KCNA3: variants seen among roughly 807,000 people sequenced by gnomAD.
The protein encoded by KCNA3 is RP11-284N8.3.
A neutral mutation model predicts 34.3 loss-of-function variants in KCNA3; 18 were observed. That is an observed-to-expected ratio of 0.52 (90% CI 0.36 to 0.78). The LOEUF (loss-of-function observed/expected upper bound fraction) is 0.78, where lower values mean the gene tolerates loss of function less well. KCNA3 is among the 30% of genes least tolerant of loss of function. KCNA3 has a pLI of 0.00. For missense variants in KCNA3, 587 were observed against 802.5 expected (o/e 0.73, Z 3.24); for synonymous variants, 324 against 351.7 (o/e 0.92, Z 0.88).
At chr1:110,666,674 G>A in the KCNA3 span, among the ~76,000 whole-genome samples, 2 of 152,152 alleles carry the variant, frequency 1.3e-5, no homozygotes, top group African/African-American at 4.8e-5. Flanking sequence ...CACAAGAAAT[G>A]TGAGGATGCC....
At chr1:110,671,374 A>G (rs1651885669), downstream of KCNA3, among the ~76,000 whole-genome samples, 1 of 152,244 alleles carries the variant, frequency 6.6e-6, no homozygotes, top group Non-Finnish European at 1.5e-5. Context: ...AACTAAGATA[A>G]AACTGTTGGT....
chr1:110,665,686 T>TGAAGAAC, the KCNA3 span, among the ~76,000 whole-genome samples: 1 of 151,868 alleles, frequency 6.6e-6, no homozygotes, highest in African/African-American at 2.4e-5. Context: ...TAAGACAGAA[T>TGAAGAAC]GAAGAACGAA....
At chr1:110,653,952 A>C in the KCNA3 span, 13 of 152,338 alleles carry the variant, frequency 8.5e-5, no homozygotes, top group African/African-American at 3.1e-4. Context: ...TTTAAATTCC[A>C]ATATAATAAG....
the KCNA3 span, among the ~76,000 whole-genome samples, chr1:110,659,762 A>G: frequency 6.6e-6 from 1 of 152,242 alleles, no homozygotes; most frequent in African/African-American, 2.4e-5. Context: ...GCCATAAAAA[A>G]GGATGAGTTC....
At chr1:110,662,521 A>G in the KCNA3 span, among the ~76,000 whole-genome samples, 1 of 152,222 alleles carries the variant, frequency 6.6e-6, no homozygotes, top group Non-Finnish European at 1.5e-5. Flanking sequence ...CTATTAAATT[A>G]CTTAGTGTTA....
chr1:110,674,777 C>T lies in KCNA3; in HGVS notation c.33G>A (p.Pro11=), dbSNP rs1462769553. The change falls in exon 1 of 1, where the codon CCG becomes CCA. Residue 11 remains proline (P), a synonymous_variant. Coordinates refer to ENST00000369769, the MANE Select transcript of KCNA3 (RefSeq NM_002232.5). This position sits in a 1 kb window ranked among gnomAD's most constrained non-coding sequence, Gnocchi z 6.4. MDERLSLLRS[P]PPPSARHRAH... ...CGCGGTGGCGGGCTGAGGGCGGCGG[C>T]GGCGAGCGCAGAAGGCTGAGGCGCT... The T allele has an allele frequency of 1.5e-6, 2 of 1,340,414 alleles. No individual in the cohort carries two copies. Among genetic ancestry groups the T allele is most frequent in the Non-Finnish European group, 1.9e-6 (2 of 1,053,800 alleles). The allele number at this position is 1,340,414 out of a possible 1,614,324, so 83.0% of individuals were successfully genotyped here. A position where few individuals can be genotyped will look rare whatever the true frequency, so the allele number is the denominator to read the frequency against.
chr1:110,661,999 G>A, the KCNA3 span, among the ~76,000 whole-genome samples: 5 of 151,056 alleles, frequency 3.3e-5, no homozygotes, highest in African/African-American at 1.2e-4. Flanking sequence ...TGTAGTCACA[G>A]CTACCCGGGA....
At chr1:110,668,017 G>A (rs1374188227), downstream of KCNA3, among the ~76,000 whole-genome samples, 3 of 151,970 alleles carry the variant, frequency 2.0e-5, no homozygotes, top group African/African-American at 7.3e-5. Flanking sequence ...TTCTCTCAAA[G>A]GTTATCAACC....
chr1:110,668,196 C>A (rs1651756376), downstream of KCNA3, among the ~76,000 whole-genome samples: 1 of 152,110 alleles, frequency 6.6e-6, no homozygotes, highest in Non-Finnish European at 1.5e-5. Context: ...CCCTAAATAT[C>A]CTCTTCCACA....
the KCNA3 span, chr1:110,653,815 A>G: frequency 6.6e-6 from 1 of 152,234 alleles, no homozygotes; most frequent in Non-Finnish European, 1.5e-5. Context: ...AACAGAAAAA[A>G]TAGAATGTTT....
At chr1:110,663,138 T>C in the KCNA3 span, among the ~76,000 whole-genome samples, 1 of 152,196 alleles carries the variant, frequency 6.6e-6, no homozygotes, top group Non-Finnish European at 1.5e-5. Flanking sequence ...AAATGTCTAA[T>C]ACCTTGACTA....
rs200611394 is a variant in KCNA3, at chr1:110,673,730, C to T, written c.1080G>A (p.Leu360=). Residue 360 remains leucine (L), a synonymous_variant, in exon 1 of 1, where the codon CTG becomes CTA. Transcript: ENST00000369769. The surrounding 1 kb of genome is among the most constrained non-coding windows in gnomAD (Gnocchi z 8.8). ...CCAGGCGGATGACCCTCAGGATGGC[C>T]AGAGACATGGCCTGCTGTCCATTGC... is the stretch of plus-strand genomic sequence containing the variant. The part of the protein sequence containing the change: ...RQGNGQQAMS[L]AILRVIRLVR... The T allele has an allele frequency of 6.2e-7, 1 of 1,614,122 alleles. No individual in the cohort carries two copies. The highest frequency in any genetic ancestry group is 2.2e-5 in the East Asian group (1 of 44,866).
chr1:110,660,448 T>C, the KCNA3 span, among the ~76,000 whole-genome samples: 1 of 152,112 alleles, frequency 6.6e-6, no homozygotes, highest in South Asian at 2.1e-4. Flanking sequence ...CTTACTGTGG[T>C]AATCTATGAT....
chr1:110,662,458 T>C, the KCNA3 span, among the ~76,000 whole-genome samples: 4 of 152,216 alleles, frequency 2.6e-5, no homozygotes, highest in African/African-American at 9.6e-5. Context: ...AGTCATTCTA[T>C]AGCATGTAGT....
In KCNA3 at chr1:110,674,042, C is replaced by G; in HGVS notation, c.768G>C (p.Leu256=). ...AGTCCTTCTCGTCGCGGAACTCCGG[C>G]AGCGTCTCCAGGCAGAAGATGACAA... ...ISIVIFCLET[L]PEFRDEKDYP... Residue 256 remains leucine, a synonymous_variant, in exon 1 of 1, where the codon CTG becomes CTC. Coordinates refer to ENST00000369769, the MANE Select transcript of KCNA3 (RefSeq NM_002232.5). The surrounding 1 kb of genome is among the most constrained non-coding windows in gnomAD (Gnocchi z 6.4). The G allele has an allele frequency of 6.2e-7, 1 of 1,607,940 alleles. No homozygotes were observed. The highest frequency in any genetic ancestry group is 8.5e-7 in the Non-Finnish European group (1 of 1,176,286).
Position 110,674,176 on chromosome 1 carries a change from G to A in KCNA3, c.634C>T (p.Pro212Ser). Residue 212 changes from proline to serine, a missense_variant, in exon 1 of 1, where the codon CCC becomes TCC. Pro to Ser is a moderately conservative substitution (Grantham distance 74, BLOSUM62 -1). Transcript: ENST00000369769. The surrounding 1 kb of genome is among the most constrained non-coding windows in gnomAD (Gnocchi z 6.4). ...GFLREEERPL[P>S]RRDFQRQVWL... is the part of the protein sequence containing the mutation. ...ACCTGGCGCTGGAAGTCGCGGCGGG[G>A]CAAGGGCCGCTCCTCCTCCCGCAGG... 2 of 1,612,166 alleles carry A rather than the reference G, an allele frequency of 1.2e-6. No homozygotes were observed. Among genetic ancestry groups the A allele is most frequent in the Non-Finnish European group, 8.5e-7 (1 of 1,178,880 alleles).
chr1:110,673,962 C>T lies in KCNA3; in HGVS notation c.848G>A (p.Gly283Glu), dbSNP rs150781963. The T allele has an allele frequency of 1.9e-5, 31 of 1,613,880 alleles. No homozygotes were observed. The African/African-American group carries it at 4.1e-4, about 22-fold the overall frequency. The change falls in exon 1 of 1, where the codon GGG (glycine) becomes GAG (glutamate). Residue 283 changes from glycine to glutamate, a missense_variant. Coordinates refer to ENST00000369769, the MANE Select transcript of KCNA3 (RefSeq NM_002232.5). The surrounding 1 kb of genome is among the most constrained non-coding windows in gnomAD (Gnocchi z 8.8). ...GAAGCTGGAGGCTCCTGCGCGGGAC[C>T]CCGACGTGCTGTTGCCGGCTGCTTC... ...SFEAAGNSTS[G>E]SRAGASSFSD... is the part of the protein sequence containing the mutation.
downstream of KCNA3, among the ~76,000 whole-genome samples, chr1:110,667,558 G>A (rs1651728346): frequency 6.6e-6 from 1 of 152,086 alleles, no homozygotes; most frequent in South Asian, 2.1e-4. Context: ...TTACTTTACA[G>A]GGCAGAGTTC....
chr1:110,669,966 G>A (rs1159242717), downstream of KCNA3, among the ~76,000 whole-genome samples: 2 of 152,002 alleles, frequency 1.3e-5, no homozygotes, highest in Admixed American at 1.3e-4. Context: ...GCCGTGTCAT[G>A]GAATTATTTT....
Sources: allele counts gnomAD v4.1 joint callset (sites outside exome capture counted in the v4.1 genomes callset), GRCh38; gene constraint gnomAD v4.1.1; non-coding constraint Gnocchi (gnomAD v3.1); transcripts MANE v1.5; gene names NCBI Gene and HGNC (gene_info 2026-07-23, HGNC 2026-07-21).